The following NKAIN2 variants were observed in gnomAD, a reference collection of about 807,000 sequenced individuals.
NKAIN2 encodes the protein sodium/potassium transporting ATPase interacting 2.
In NKAIN2, 14 loss-of-function variants were observed where a neutral mutation model predicts 32.6. The observed-to-expected ratio is 0.43, with a 90% CI of 0.28 to 0.67. The LOEUF is 0.67. NKAIN2 is among the 30% of genes least tolerant of loss of function. The probability of loss-of-function intolerance (pLI) is 0.17; values close to 1 mark genes in which losing one functional copy is unlikely to be tolerated. For synonymous variants in NKAIN2, 80 were observed against 87.2 expected (o/e 0.92, Z 0.46); for missense variants, 198 against 258.3 (o/e 0.77, Z 1.60).
intron 3 of NKAIN2, among the ~76,000 whole-genome samples, chr6:124,380,953 G>A (rs932465188): frequency 1.3e-5 from 2 of 152,178 alleles, no homozygotes; most frequent in African/African-American, 4.8e-5. Context: ...TTGTATCGAA[G>A]TGTAACTTCA....
chr6:123,879,551 A>T (rs1773350581), intron 1 of NKAIN2, among the ~76,000 whole-genome samples: 1 of 152,196 alleles, frequency 6.6e-6, no homozygotes, highest in Non-Finnish European at 1.5e-5. Context: ...TCAGGAGCTC[A>T]GGTTCTTTCT....
chr6:124,651,516 A>G (rs1299959809), intron 3 of NKAIN2, among the ~76,000 whole-genome samples: 1 of 152,194 alleles, frequency 6.6e-6, no homozygotes, highest in Admixed American at 6.5e-5. Flanking sequence ...ATAGCTCATG[A>G]ACTTGGCACG....
chr6:124,007,387 A>T, intron 1 of NKAIN2, among the ~76,000 whole-genome samples: 1 of 152,148 alleles, frequency 6.6e-6, no homozygotes, highest in East Asian at 1.9e-4. Context: ...CAATGTTGAG[A>T]TTGCCACCAA....
intron 1 of NKAIN2, among the ~76,000 whole-genome samples, chr6:124,084,477 A>G (rs1009863956): frequency 2.6e-5 from 4 of 151,970 alleles, no homozygotes; most frequent in African/African-American, 9.7e-5. Context: ...ATGTTCATGT[A>G]TGTTCACATG....
chr6:124,675,341 A>G (rs1343446656), intron 4 of NKAIN2, among the ~76,000 whole-genome samples: 1 of 151,946 alleles, frequency 6.6e-6, no homozygotes, highest in Admixed American at 6.6e-5. Context: ...AGGTATATTG[A>G]CCTATAGTTT....
At chr6:124,374,984 T>C (rs1413364092) in intron 3 of NKAIN2, among the ~76,000 whole-genome samples, 1 of 152,090 alleles carries the variant, frequency 6.6e-6, no homozygotes, top group Non-Finnish European at 1.5e-5. Flanking sequence ...CAGATTCCTC[T>C]ATGGCATTCT....
At chr6:124,606,481 G>A (rs1287055006) in intron 3 of NKAIN2, among the ~76,000 whole-genome samples, 1 of 151,910 alleles carries the variant, frequency 6.6e-6, no homozygotes, top group Non-Finnish European at 1.5e-5. Flanking sequence ...AATTGGTAAA[G>A]GAGTTTTGCT....
At chr6:123,899,458 T>C (rs1774450817) in intron 1 of NKAIN2, among the ~76,000 whole-genome samples, 1 of 152,216 alleles carries the variant, frequency 6.6e-6, no homozygotes, top group Non-Finnish European at 1.5e-5. Context: ...GTAAAGTTCT[T>C]TCAGTCCCTG....
At chr6:124,289,654 G>T (rs897849384) in intron 2 of NKAIN2, among the ~76,000 whole-genome samples, 2 of 152,030 alleles carry the variant, frequency 1.3e-5, no homozygotes, top group African/African-American at 4.8e-5. Flanking sequence ...ATTTTTAATT[G>T]TCCATGGAGC....
At chr6:123,862,503 T>A (rs956906551) in intron 1 of NKAIN2, among the ~76,000 whole-genome samples, 2 of 152,150 alleles carry the variant, frequency 1.3e-5, no homozygotes, top group Non-Finnish European at 2.9e-5. Context: ...TGGTTCATAT[T>A]CTTTCTTATA....
At chr6:123,840,345 A>T (rs1407650361) in intron 1 of NKAIN2, among the ~76,000 whole-genome samples, 1 of 152,096 alleles carries the variant, frequency 6.6e-6, no homozygotes, top group Non-Finnish European at 1.5e-5. Context: ...CCAAAAAATT[A>T]TACAACCATA....
rs1347210722 is a variant in NKAIN2, at chr6:124,712,416, G to C, written c.474+54030G>C. On this transcript the variant is annotated intron_variant, in intron 4 of 6. Coordinates refer to ENST00000368417, the MANE Select transcript of NKAIN2 (RefSeq NM_001040214.3). ...GCAATGGCGGGCGCCCCTCCCCCAG[G>C]CTCGCTGCCGCCTTGCAGTTTGATC... Among the ~76,000 whole-genome samples, 19 of 115,064 alleles carry C rather than the reference G, an allele frequency of 1.7e-4. 1 individual carries two copies. Among genetic ancestry groups the C allele is most frequent in the South Asian group, 5.4e-4 (2 of 3,700 alleles). The allele number at this position is 115,064 out of a possible 152,430, so 75.5% of individuals were successfully genotyped here.
intron 3 of NKAIN2, among the ~76,000 whole-genome samples, chr6:124,464,095 C>G (rs1052787607): frequency 3.3e-5 from 5 of 152,046 alleles, no homozygotes; most frequent in African/African-American, 1.2e-4. Context: ...TGATTCTATT[C>G]TCATGCCCCA....
intron 3 of NKAIN2, among the ~76,000 whole-genome samples, chr6:124,374,545 G>A (rs1164103437): frequency 6.6e-6 from 1 of 152,074 alleles, no homozygotes; most frequent in Admixed American, 6.6e-5. Flanking sequence ...AACCAATTAA[G>A]GAAATTAGAT....
At chr6:124,026,649 G>T (rs771819752) in intron 1 of NKAIN2, among the ~76,000 whole-genome samples, 3 of 152,190 alleles carry the variant, frequency 2.0e-5, no homozygotes, top group African/African-American at 7.2e-5. Context: ...AACTATGCAG[G>T]CATCACAGTT....
intron 3 of NKAIN2, among the ~76,000 whole-genome samples, chr6:124,461,120 G>A (rs1583286961): frequency 6.6e-6 from 1 of 151,796 alleles, no homozygotes; most frequent in African/African-American, 2.4e-5. Flanking sequence ...GACACAAAAT[G>A]TGTCTTTATA....
In NKAIN2 at chr6:124,447,529, T is replaced by C. The variant is rs138759114; in HGVS notation, c.273+92182T>C. Among the ~76,000 whole-genome samples the C allele has an allele frequency of 1.8e-3, 275 of 152,258 alleles. 1 individual carries two copies. The highest frequency in any genetic ancestry group is 6.2e-3 in the African/African-American group (259 of 41,566). ...AATTTCGGTCACAACAAAGGAATACTCTGCTTGGAAGTTAAATCAGGCCTT... is the reference window on the plus strand; with the variant it reads ...AATTTCGGTCACAACAAAGGAATACCCTGCTTGGAAGTTAAATCAGGCCTT... On this transcript the variant is annotated intron_variant, in intron 3 of 6. Transcript: ENST00000368417.
At chr6:124,769,693 C>T (rs775421902) in intron 4 of NKAIN2, among the ~76,000 whole-genome samples, 3 of 152,154 alleles carry the variant, frequency 2.0e-5, no homozygotes, top group Non-Finnish European at 4.4e-5. Flanking sequence ...GCACATCAGT[C>T]GGTAAAGGAA....
intron 1 of NKAIN2, among the ~76,000 whole-genome samples, chr6:123,907,143 A>G (rs1774919772): frequency 6.6e-6 from 1 of 152,076 alleles, no homozygotes; most frequent in African/African-American, 2.4e-5. Flanking sequence ...TGGCTTTTCT[A>G]CTATCAGTAT....
Sources: gnomAD v4.1 joint callset for allele counts (sites outside exome capture counted in the v4.1 genomes callset) on GRCh38, gnomAD v4.1.1 for gene constraint, MANE v1.5 for transcripts, NCBI Gene and HGNC (gene_info 2026-07-23, HGNC 2026-07-21) for gene names.